Variants in MMRN1 observed in about 807,000 individuals in gnomAD.
MMRN1 encodes the protein multimerin 1.
In MMRN1, 94 loss-of-function variants were observed where a neutral mutation model predicts 100.7. That is an observed-to-expected ratio of 0.93 (90% CI 0.79 to 1.11). MMRN1 has a LOEUF of 1.11. MMRN1 is among the 50% of genes least tolerant of loss of function. The pLI is 0.00. For synonymous variants in MMRN1, 575 were observed against 505.0 expected (o/e 1.14, Z -1.86); for missense variants, 1,606 against 1,439.1 (o/e 1.12, Z -1.88).
intron 3 of MMRN1, among the ~76,000 whole-genome samples, chr4:89,921,227 G>A (rs1722078039): frequency 6.6e-6 from 1 of 151,888 alleles, no homozygotes; most frequent in South Asian, 2.1e-4. Context: ...TGTTCATCCT[G>A]TTAAATTCAC....
At chr4:89,880,637 A>G (rs895373524) in intron 1 of MMRN1, among the ~76,000 whole-genome samples, 1 of 152,160 alleles carries the variant, frequency 6.6e-6, no homozygotes, top group Non-Finnish European at 1.5e-5. Flanking sequence ...GAGAGGAGAG[A>G]AAACATAATG....
At chr4:89,914,958 T>C (rs931760700) in intron 3 of MMRN1, among the ~76,000 whole-genome samples, 2 of 151,518 alleles carry the variant, frequency 1.3e-5, no homozygotes, top group Non-Finnish European at 3.0e-5. Context: ...ATCAGATCCT[T>C]TATAGGAAAA....
At position 89,934,961 on chromosome 4, in the gene MMRN1, T is replaced by G. The variant is rs1170953783; in HGVS notation, c.1281T>G (p.Ile427Met). Residue 427 changes from isoleucine (I) to methionine (M), a missense_variant, in exon 6 of 8, where the codon ATT becomes ATG. Ile to Met is a conservative substitution (Grantham distance 10, BLOSUM62 1). Coordinates refer to ENST00000264790, the MANE Select transcript of MMRN1 (RefSeq NM_007351.3). ...SEDLESTRQI[I>M]QKVNESVVSI... ...ACCTCGAAAGCACCAGGCAAATAAT[T>G]CAAAAAGTTAATGAATCTGTGGTTT... is the stretch of plus-strand genomic sequence containing the variant. 1 of 1,613,626 alleles carries G rather than the reference T, an allele frequency of 6.2e-7. No individual in the cohort carries two copies. The highest frequency in any genetic ancestry group is 8.5e-7 in the Non-Finnish European group (1 of 1,179,756).
Position 89,925,302 on chromosome 4 carries a change from A to ATTTT in MMRN1, c.955+2053_955+2056dup, listed in dbSNP as rs1176427401. Among the ~76,000 whole-genome samples, 426 of 101,966 alleles carry ATTTT rather than the reference A, an allele frequency of 4.2e-3. 14 individuals are homozygous for ATTTT. Among genetic ancestry groups the ATTTT allele is most frequent in the Non-Finnish European group, 6.3e-3 (336 of 53,162 alleles). 66.9% of individuals were successfully genotyped at this position (101,966 alleles called of 152,430 possible). On this transcript the variant is annotated intron_variant, in intron 4 of 7. Coordinates refer to ENST00000264790, the MANE Select transcript of MMRN1 (RefSeq NM_007351.3). Reference sequence around the variant, plus strand: ...AGGCACGTCCCACCATGCCTGGTTAATTTTTTTTTTTTTTTTTTTTTTTTT... The same window carrying ATTTT: ...AGGCACGTCCCACCATGCCTGGTTAATTTTTTTTTTTTTTTTTTTTTTTTTTTTT...
At chr4:89,937,351 G>A (rs1722679680) in intron 6 of MMRN1, among the ~76,000 whole-genome samples, 1 of 152,020 alleles carries the variant, frequency 6.6e-6, no homozygotes. Flanking sequence ...GATAAGAGCT[G>A]CAACTCAGAA....
chr4:89,887,573 C>T (rs1313674764), intron 1 of MMRN1, among the ~76,000 whole-genome samples: 1 of 152,052 alleles, frequency 6.6e-6, no homozygotes, highest in African/African-American at 2.4e-5. Context: ...GTGTTCTTAA[C>T]TGAGTCTCCT....
At chr4:89,937,331 G>C (rs1722679264) in intron 6 of MMRN1, among the ~76,000 whole-genome samples, 1 of 152,050 alleles carries the variant, frequency 6.6e-6, no homozygotes, top group Non-Finnish European at 1.5e-5. Context: ...GGTATCAGTG[G>C]ATTGGTTGTG....
intron 2 of MMRN1, among the ~76,000 whole-genome samples, chr4:89,911,460 G>A (rs942879673): frequency 6.6e-6 from 1 of 151,232 alleles, no homozygotes; most frequent in Non-Finnish European, 1.5e-5. Flanking sequence ...AAAATTCCAT[G>A]GGAAAATGAT....
rs779939281 is a variant in MMRN1 at position 89,936,285 on chromosome 4, G to T, written c.2605G>T (p.Val869Phe). 2 of 1,611,508 alleles carry T rather than the reference G, an allele frequency of 1.2e-6. No individual in the cohort carries two copies. The highest frequency in any genetic ancestry group is 2.2e-5 in the South Asian group (2 of 90,362). Residue 869 changes from valine to phenylalanine, a missense_variant, in exon 6 of 8, where the codon GTT becomes TTT. Transcript: ENST00000264790. ...ETRLQDIESK[V>F]TQTLIPYYIS... ...TCGGTTGCAAGACATTGAGTCTAAA[G>T]TTACCCAGACGCTCATACCTTATTA...
Position 89,953,014 on chromosome 4 carries a change from T to C in MMRN1, c.3283T>C (p.Tyr1095His). 6.3e-7 allele frequency: 1 copy of C among 1,589,856 alleles called. No homozygotes were observed. Residue 1095 changes from tyrosine to histidine, a missense_variant, in exon 8 of 8, where the codon TAC becomes CAC. Tyr to His is a moderately conservative substitution (Grantham distance 83). Coordinates refer to ENST00000264790, the MANE Select transcript of MMRN1 (RefSeq NM_007351.3). ...ALAPDFSKGSYRYAPMVAFFA... is the reference protein window; with the variant it reads ...ALAPDFSKGSHRYAPMVAFFA... ...TCTAACAGATTTTTCCAAAGGATCTTACAGATATGCACCCATGGTGGCATT... is the reference window on the plus strand; with the variant it reads ...TCTAACAGATTTTTCCAAAGGATCTCACAGATATGCACCCATGGTGGCATT...
Position 89,883,945 on chromosome 4 carries a change from A to AT in MMRN1, c.-249+4350dup, listed in dbSNP as rs1287676091. 5.9e-5 allele frequency among the ~76,000 whole-genome samples: 9 copies of AT among 152,154 alleles called. No homozygotes were observed. The East Asian group carries it at 1.7e-3, about 29-fold the overall frequency. The stretch of plus-strand genomic sequence containing the variant: ...TGGAGTGGGTTCAAGGTAAAGGTTC[A>AT]TTTTTTTAAATTCACGTATTTGTTC... On this transcript the variant is annotated intron_variant, in intron 1 of 8. Coordinates refer to the MMRN1 transcript ENST00000394980.
intron 1 of MMRN1, among the ~76,000 whole-genome samples, chr4:89,897,384 A>G (rs1317093377): frequency 6.6e-6 from 1 of 151,892 alleles, no homozygotes; most frequent in Non-Finnish European, 1.5e-5. Flanking sequence ...TAATTTTTGT[A>G]TTTTTAGTAG....
At chr4:89,915,123 A>AT in intron 3 of MMRN1, among the ~76,000 whole-genome samples, 2 of 151,706 alleles carry the variant, frequency 1.3e-5, no homozygotes, top group Middle Eastern at 6.8e-3. Flanking sequence ...CATGCAATAA[A>AT]TTATATAAGA....
At position 89,936,226 on chromosome 4, in the gene MMRN1, T is replaced by G. The variant is rs141785675; in HGVS notation, c.2546T>G (p.Leu849Arg). 5.6e-6 allele frequency: 9 copies of G among 1,605,472 alleles called. No individual in the cohort carries two copies. The African/African-American group carries it at 1.1e-4, about 19-fold the overall frequency. ...QNMSHLEEKL[L>R]LTTKISKNFE... ...ATGAGTCATTTGGAAGAAAAACTAC[T>G]CTTAACTACCAAGATTTCCAAAAAT... is the stretch of plus-strand genomic sequence containing the variant. Residue 849 changes from leucine (L) to arginine (R), a missense_variant, in exon 6 of 8, where the codon CTC becomes CGC. Transcript: ENST00000264790.
intron 2 of MMRN1, among the ~76,000 whole-genome samples, chr4:89,910,689 T>C (rs962766668): frequency 4.6e-5 from 7 of 151,470 alleles, no homozygotes; most frequent in Non-Finnish European, 8.9e-5. Flanking sequence ...AGAGTGCAGA[T>C]AGTATTTCAC....
chr4:89,895,825 C>T (rs1258535467), intron 1 of MMRN1, among the ~76,000 whole-genome samples: 1 of 152,136 alleles, frequency 6.6e-6, no homozygotes, highest in Non-Finnish European at 1.5e-5. Flanking sequence ...ATTCACTTTT[C>T]TACTCACTTA....
intron 1 of MMRN1, among the ~76,000 whole-genome samples, chr4:89,886,880 G>A (rs1720948018): frequency 6.6e-6 from 1 of 151,894 alleles, no homozygotes; most frequent in African/African-American, 2.4e-5. Flanking sequence ...CACTTCTCTA[G>A]TTATTTTGAA....
intron 1 of MMRN1, among the ~76,000 whole-genome samples, chr4:89,889,107 T>C (rs186544948): frequency 1.2e-4 from 18 of 152,282 alleles, no homozygotes; most frequent in Admixed American, 1.1e-3. Context: ...TCCCAATTTG[T>C]AATTGAGCTA....
At chr4:89,933,847 G>A (rs1021556630) in intron 5 of MMRN1, among the ~76,000 whole-genome samples, 2 of 152,104 alleles carry the variant, frequency 1.3e-5, no homozygotes, top group Admixed American at 6.6e-5. Context: ...AATTTGAATG[G>A]ACATATCTTC....
Sources: allele counts gnomAD v4.1 joint callset (sites outside exome capture counted in the v4.1 genomes callset), GRCh38; gene constraint gnomAD v4.1.1; transcripts MANE v1.5; gene names NCBI Gene and HGNC (gene_info 2026-07-23, HGNC 2026-07-21).